Variants in COL4A3 observed in about 807,000 individuals in gnomAD.
The protein encoded by COL4A3 is collagen alpha-3(IV) chain.
Under a neutral mutation model 217.4 loss-of-function variants are expected in COL4A3, and 135 were observed. That is an observed-to-expected ratio of 0.62 (90% confidence interval 0.54 to 0.72). The LOEUF (loss-of-function observed/expected upper bound fraction) is 0.72, where lower values mean the gene tolerates loss of function less well. Ranked by LOEUF, COL4A3 falls within the 30% of genes least tolerant of loss-of-function variation. The pLI is 0.00. For synonymous variants in COL4A3, 690 were observed against 736.3 expected (o/e 0.94, Z 1.02); for missense variants, 1,868 against 2,119.9 (o/e 0.88, Z 2.33).
Position 227,297,665 on chromosome 2 carries a change from T to C in COL4A3, c.3566-9T>C, listed in dbSNP as rs147886850. 4,605 of 1,603,104 alleles carry C rather than the reference T, an allele frequency of 2.9e-3. 4 individuals are homozygous for C. The highest frequency in any genetic ancestry group is 3.7e-3 in the Non-Finnish European group (4,329 of 1,175,774). Reference sequence around the variant, plus strand: ...ATTAAAGAAACTTATTAAGCCTTCTTCTTTGCAGGAGCCAAAGGAGACAGG... The same window carrying C: ...ATTAAAGAAACTTATTAAGCCTTCTCCTTTGCAGGAGCCAAAGGAGACAGG... On this transcript the variant is annotated splice_polypyrimidine_tract_variant and intron_variant, in intron 41 of 51. Coordinates refer to ENST00000396578, the MANE Select transcript of COL4A3 (RefSeq NM_000091.5).
chr2:227,296,622 C>A, intron 41 of COL4A3: 1 of 521,638 alleles, frequency 1.9e-6, no homozygotes, highest in Non-Finnish European at 2.5e-6. Context: ...AATATATAAT[C>A]CAAGCCATCT....
At chr2:227,210,697 C>T (rs1327995635) in intron 1 of COL4A3, among the ~76,000 whole-genome samples, 2 of 152,254 alleles carry the variant, frequency 1.3e-5, no homozygotes, top group East Asian at 3.8e-4. Flanking sequence ...AGAACATAAG[C>T]AGTATAACTC....
At chr2:227,257,320 C>T (rs2070246414) in intron 17 of COL4A3, among the ~76,000 whole-genome samples, 2 of 152,174 alleles carry the variant, frequency 1.3e-5, no homozygotes, top group South Asian at 4.1e-4. Context: ...AACACAGGAA[C>T]ATGCAATGAA....
intron 39 of COL4A3, 103 bp from the exon 40 acceptor site, chr2:227,294,861 T>TC: frequency 1.1e-6 from 1 of 920,346 alleles, no homozygotes; most frequent in Non-Finnish European, 1.8e-6. Flanking sequence ...TTAACACAAT[T>TC]CCACACATCT....
At position 227,298,684 on chromosome 2, in the gene COL4A3, G is replaced by A; in HGVS notation, c.3754G>A (p.Ala1252Thr). ...GPPGSRGSPG[A>T]PGPPGPPGSH... is the part of the protein sequence containing the mutation. ...TGACAGACTTTTCATGAATTCAGGT[G>A]CGCCTGGTCCCCCTGGACCTCCAGG... Residue 1252 changes from alanine to threonine, a missense_variant and splice_region_variant, in exon 43 of 52, where the codon GCG (alanine) becomes ACG (threonine). Around this residue, in one of 2 missense-constraint regions of COL4A3, gnomAD observed 1,503 missense variants for 1,786.1 expected, o/e 0.84. Coordinates refer to ENST00000396578, the MANE Select transcript of COL4A3 (RefSeq NM_000091.5). The A allele has an allele frequency of 6.2e-7, 1 of 1,613,906 alleles. No homozygotes were observed. The highest frequency in any genetic ancestry group is 8.5e-7 in the Non-Finnish European group (1 of 1,179,912).
chr2:227,293,825 A>G (rs1047251640), intron 38 of COL4A3: 3 of 467,368 alleles, frequency 6.4e-6, no homozygotes, highest in African/African-American at 4.0e-5. Context: ...GTGGATGGCT[A>G]TCTTCTTCCA....
chr2:227,222,139 AATAATAATAATAATAATAATAATAATG>A (rs1164335627), intron 1 of COL4A3, among the ~76,000 whole-genome samples: 1 of 73,256 alleles, frequency 1.4e-5, no homozygotes, highest in East Asian at 3.3e-4. Context: ...TAATAATAAT[AATAATAATAATAATAATAATAATAATG>A]ATAATGATAA....
At chr2:227,259,722 A>C in intron 18 of COL4A3, 71 bp from the exon 19 acceptor site, 14 of 1,114,096 alleles carry the variant, frequency 1.3e-5, no homozygotes, top group Non-Finnish European at 1.8e-5. Context: ...GAAGAAACTG[A>C]AGTAATGATG....
intron 38 of COL4A3, 40 bp from the exon 39 acceptor site, chr2:227,294,450 T>C (rs368883389): frequency 1.6e-6 from 2 of 1,229,828 alleles, no homozygotes; most frequent in Non-Finnish European, 2.4e-6. Flanking sequence ...ATTTATCTTT[T>C]GGTGATCTTT....
chr2:227,267,581 G>C (rs2070980783), intron 23 of COL4A3, among the ~76,000 whole-genome samples: 1 of 152,214 alleles, frequency 6.6e-6, no homozygotes, highest in Non-Finnish European at 1.5e-5. Flanking sequence ...CTGGGGACAA[G>C]AGAGTTGCAG....
intron 1 of COL4A3, among the ~76,000 whole-genome samples, chr2:227,173,200 G>A (rs2065553633): frequency 6.6e-6 from 1 of 152,182 alleles, no homozygotes. Flanking sequence ...TAAAATGTTA[G>A]TTTTAATATC....
chr2:227,290,677 A>G (rs1258311810), intron 36 of COL4A3, 70 bp from the exon 37 acceptor site: 1 of 1,515,384 alleles, frequency 6.6e-7, no homozygotes, highest in African/African-American at 1.4e-5. Flanking sequence ...CTTATGTAAA[A>G]CTGAAAAGTA....
chr2:227,222,908 G>A (rs2067890476), intron 1 of COL4A3, among the ~76,000 whole-genome samples: 1 of 152,226 alleles, frequency 6.6e-6, no homozygotes, highest in African/African-American at 2.4e-5. Context: ...ATGCCCAGGA[G>A]TTCAGACTCA....
At chr2:227,255,368 T>G (rs983688349) in intron 15 of COL4A3, among the ~76,000 whole-genome samples, 1 of 152,164 alleles carries the variant, frequency 6.6e-6, no homozygotes, top group Admixed American at 6.5e-5. Flanking sequence ...CCAGATCCAT[T>G]TTGGAAAGAT....
chr2:227,168,912 T>C (rs2065374968), intron 1 of COL4A3, among the ~76,000 whole-genome samples: 1 of 151,992 alleles, frequency 6.6e-6, no homozygotes, highest in African/African-American at 2.4e-5. Flanking sequence ...TATTATACTT[T>C]AAGTTTTAGG....
intron 18 of COL4A3, 131 bp downstream of exon 18, chr2:227,257,775 G>A (rs568071259): frequency 2.5e-5 from 22 of 869,092 alleles, no homozygotes; most frequent in Admixed American, 1.3e-4. Context: ...TGTCAAACCA[G>A]GGCAGAAAAT....
chr2:227,195,196 T>C (rs2066420838), intron 1 of COL4A3, among the ~76,000 whole-genome samples: 1 of 152,170 alleles, frequency 6.6e-6, no homozygotes, highest in Non-Finnish European at 1.5e-5. Context: ...TACAAATCTT[T>C]ATAAATAGAT....
intron 24 of COL4A3, 137 bp from the exon 25 acceptor site, chr2:227,270,633 A>G: frequency 1.2e-6 from 1 of 801,394 alleles, no homozygotes; most frequent in South Asian, 1.7e-5. Context: ...AATGCTTGTA[A>G]TAATAGTTGT....
At chr2:227,192,156 C>T (rs748123748) in intron 1 of COL4A3, among the ~76,000 whole-genome samples, 5 of 152,142 alleles carry the variant, frequency 3.3e-5, no homozygotes, top group African/African-American at 1.2e-4. Flanking sequence ...AGTTGCAAAA[C>T]GTCATTGAAA....
Sources: allele counts gnomAD v4.1 joint callset (sites outside exome capture counted in the v4.1 genomes callset), GRCh38; gene constraint gnomAD v4.1.1; regional missense constraint gnomAD v4.1.1; transcripts MANE v1.5; gene names NCBI Gene and HGNC (gene_info 2026-07-23, HGNC 2026-07-21).